The following NEB variants were observed in gnomAD, a reference collection of about 807,000 sequenced individuals.
NEB encodes nemaline myopathy type 2.
Under a neutral mutation model 952.2 loss-of-function variants are expected in NEB, and 512 were observed. The ratio of observed to expected loss-of-function variants is 0.54; its 90% CI spans 0.50 to 0.58. The LOEUF (loss-of-function observed/expected upper bound fraction) is 0.58. Ranked by LOEUF, NEB falls within the 20% of genes least tolerant of loss-of-function variation. NEB has a pLI of 0.00. For synonymous variants in NEB, 2,900 were observed against 3,149.8 expected, an observed-to-expected ratio of 0.92 and a Z score of 2.66; for missense variants, 8,428 against 9,231.1, an observed-to-expected ratio of 0.91 and a Z score of 3.56.
chr2:151,637,786 T>C (rs775420312), intron 63 of NEB, among the ~76,000 whole-genome samples: 1 of 152,266 alleles, frequency 6.6e-6, no homozygotes, highest in Non-Finnish European at 1.5e-5. Flanking sequence ...GGCTAATAAT[T>C]CAGTCCTTTC....
chr2:151,661,955 GACT>G (rs1319024396), intron 46 of NEB, among the ~76,000 whole-genome samples, 177 bp downstream of exon 46: 2 of 151,934 alleles, frequency 1.3e-5, no homozygotes, highest in Non-Finnish European at 1.5e-5. Flanking sequence ...AAGATTTGAA[GACT>G]ACTAGTTAGA....
intron 55 of NEB, 62 bp downstream of exon 55, chr2:151,646,068 C>A: frequency 1.6e-6 from 2 of 1,241,344 alleles, no homozygotes; most frequent in South Asian, 2.8e-5. Flanking sequence ...TAGACAATTT[C>A]ACTGATTTAG....
Position 151,692,073 on chromosome 2 carries a change from C to T in NEB, c.2092G>A (p.Ala698Thr). The T allele has an allele frequency of 1.2e-6, 2 of 1,613,902 alleles. No individual in the cohort carries two copies. The highest frequency in any genetic ancestry group is 1.7e-6 in the Non-Finnish European group (2 of 1,179,796). ...PYHTHCMKVAAQNSDKSYKAE... is the reference protein window; with the variant it reads ...PYHTHCMKVATQNSDKSYKAE... ...TTCAAACTTACATCACTGTTTTGAG[C>T]TGCAACTTTCATGCAGTGTGTGTGA... The change falls in exon 22 of 182, where the codon GCT becomes ACT. Residue 698 changes from alanine (A) to threonine (T), a missense_variant. Physicochemically the swap from Ala to Thr is moderately conservative, Grantham distance 58. Transcript: ENST00000397345.
intron 43 of NEB, 27 bp from the exon 44 acceptor site, chr2:151,664,635 G>A: frequency 6.4e-7 from 1 of 1,567,976 alleles, no homozygotes; most frequent in Non-Finnish European, 8.7e-7. Flanking sequence ...AAAAACAACA[G>A]CATCTTGTTA....
chr2:151,639,552 T>C (rs1377202638), intron 62 of NEB, among the ~76,000 whole-genome samples, 168 bp from the exon 63 acceptor site: 6 of 152,240 alleles, frequency 3.9e-5, no homozygotes, highest in Non-Finnish European at 2.9e-5. Flanking sequence ...GGAATGTGTA[T>C]TTATAAATGC....
chr2:151,717,491 C>T lies in NEB; in HGVS notation c.747G>A (p.Gln249=). 2 of 1,613,880 alleles carry T rather than the reference C, an allele frequency of 1.2e-6. No individual in the cohort carries two copies. Among genetic ancestry groups the T allele is most frequent in the Non-Finnish European group, 1.7e-6 (2 of 1,179,788 alleles). Residue 249 remains glutamine (Q), a synonymous_variant, in exon 10 of 182, where the codon CAG becomes CAA. Transcript: ENST00000397345. ...CAGCCAGAGGCGTGAATTGAGCTTG[C>T]TGTTCAGCGAGACCTTTTTTGTAGG... ...DVAYKKGLAE[Q]QAQFTPLADP...
intron 181 of NEB, among the ~76,000 whole-genome samples, chr2:151,489,237 T>G (rs1238129741): frequency 6.6e-6 from 1 of 152,150 alleles, no homozygotes; most frequent in East Asian, 1.9e-4. Flanking sequence ...TCCTAAAGTA[T>G]TAGGCTTTTG....
In NEB at chr2:151,642,627, C is replaced by T. The variant is rs2098890703; in HGVS notation, c.8320G>A (p.Val2774Ile). 6.2e-7 allele frequency: 1 copy of T among 1,613,920 alleles called. No homozygotes were observed. Among genetic ancestry groups the T allele is most frequent in the Non-Finnish European group, 8.5e-7 (1 of 1,179,838 alleles). ...GCTGCCTTGATAGGAATGGCATCTA[C>T]CCGCATGTCATAACCTTTCCTCTTG... Reference protein sequence around the residue: ...EAKRKGYDMRVDAIPIKAAKA... With the variant: ...EAKRKGYDMRIDAIPIKAAKA... The change falls in exon 60 of 182, where the codon GTA becomes ATA. Residue 2774 changes from valine to isoleucine, a missense_variant. By Grantham distance (29) the Val-to-Ile change is conservative. Transcript: ENST00000397345.
chr2:151,561,569 TCACTTTTTTTTTTTTTTGGTTTCGAA>T (rs1313189093), intron 121 of NEB, among the ~76,000 whole-genome samples: 9 of 145,896 alleles, frequency 6.2e-5, no homozygotes, highest in Non-Finnish European at 1.2e-4. Context: ...CAGCAGCCCC[TCACTTTTTTTTTTTTTTGGTTTCGAA>T]CACTTTTTTT....
rs1279045331 is a variant in NEB, at chr2:151,697,368, G to C, written c.1347C>G (p.Val449=). 1 of 1,613,828 alleles carries C rather than the reference G, an allele frequency of 6.2e-7. No individual in the cohort carries two copies. The highest frequency in any genetic ancestry group is 8.5e-7 in the Non-Finnish European group (1 of 1,179,762). The part of the protein sequence containing the change: ...EDPYHSHCMK[V]TAQNSDKNYK... ...AACTTACATCACTGTTTTGAGCTGTGACTTTCATGCAGTGTGAATGGTATG... is the reference window on the plus strand; with the variant it reads ...AACTTACATCACTGTTTTGAGCTGTCACTTTCATGCAGTGTGAATGGTATG... Residue 449 remains valine (V), a synonymous_variant, in exon 15 of 182, where the codon GTC becomes GTG. Coordinates refer to ENST00000397345, the MANE Select transcript of NEB (RefSeq NM_001164508.2).
Position 151,697,274 on chromosome 2 carries a change from C to A in NEB, c.1366-22G>T, listed in dbSNP as rs899020115. On this transcript the variant is annotated intron_variant, in intron 15 of 181. Coordinates refer to ENST00000397345, the MANE Select transcript of NEB (RefSeq NM_001164508.2). ...TTTTCTATGAGGAGAAGAAATTAGG[C>A]ATAAGATGCAGCCATTGTATTCATG... 2.5e-6 allele frequency: 4 copies of A among 1,610,734 alleles called. No homozygotes were observed. The African/African-American group carries it at 5.3e-5, about 22-fold the overall frequency.
rs1052845083 is a variant in NEB at position 151,718,270 on chromosome 2, C to T, written c.718-750G>A. On this transcript the variant is annotated intron_variant, in intron 9 of 181. Transcript: ENST00000397345. ...TTAAGAAGGACACAGGAAGAAGGTA[C>T]AGGGCAGGGAGACTCTGAACCCCAG... 2.6e-5 allele frequency among the ~76,000 whole-genome samples: 4 copies of T among 152,314 alleles called. No homozygotes were observed. The East Asian group carries it at 7.7e-4, about 29-fold the overall frequency.
In NEB at chr2:151,662,353, G is replaced by A; in HGVS notation, c.5764-12C>T. On this transcript the variant is annotated splice_polypyrimidine_tract_variant and intron_variant, in intron 45 of 181. Transcript: ENST00000397345. ...GCCTTGTACTGATTCTGCAAAAGAG[G>A]AAAAATTAAATTATGAGAAGAAACT... The A allele has an allele frequency of 6.5e-7, 1 of 1,531,316 alleles. No individual in the cohort carries two copies. Among genetic ancestry groups the A allele is most frequent in the Non-Finnish European group, 8.8e-7 (1 of 1,134,490 alleles). The allele number at this position is 1,531,316 out of a possible 1,614,324, so 94.9% of individuals were successfully genotyped here.
chr2:151,677,623 C>T lies in NEB; in HGVS notation c.3716G>A (p.Ser1239Asn), dbSNP rs201541240. 2 of 1,613,982 alleles carry T rather than the reference C, an allele frequency of 1.2e-6. No individual in the cohort carries two copies. Among genetic ancestry groups the T allele is most frequent in the Non-Finnish European group, 1.7e-6 (2 of 1,179,882 alleles). Reference sequence around the variant, plus strand: ...GACCATAACTGGGGAGTCCACAATGCTGGTAAATTTGAGGGTGTCTGGATG... The same window carrying T: ...GACCATAACTGGGGAGTCCACAATGTTGGTAAATTTGAGGGTGTCTGGATG... ...RQHPDTLKFTSIVDSPVMVQA... is the reference protein window; with the variant it reads ...RQHPDTLKFTNIVDSPVMVQA... Residue 1239 changes from serine to asparagine, a missense_variant, in exon 34 of 182, where the codon AGC becomes AAC. Physicochemically the swap from Ser to Asn is conservative, Grantham distance 46. This residue lies in a region of NEB where 2,851 missense variants were observed against 2,791.5 expected (regional missense o/e 1.02). Coordinates refer to ENST00000397345, the MANE Select transcript of NEB (RefSeq NM_001164508.2).
intron 110 of NEB, 47 bp from the exon 111 acceptor site, chr2:151,568,763 G>A (rs2096524263): frequency 7.5e-7 from 1 of 1,335,588 alleles, no homozygotes; most frequent in African/African-American, 1.5e-5. Flanking sequence ...TCCTAGACAT[G>A]TGTGAACTGA....
intron 84 of NEB, among the ~76,000 whole-genome samples, chr2:151,605,160 CT>C (rs2097647328): frequency 7.9e-6 from 1 of 125,966 alleles, no homozygotes; most frequent in African/African-American, 2.7e-5. Flanking sequence ...ACTATTATGA[CT>C]ACTTCTAATG....
At chr2:151,673,255 T>C (rs1031328211) in intron 36 of NEB, among the ~76,000 whole-genome samples, 5 of 152,208 alleles carry the variant, frequency 3.3e-5, no homozygotes, top group Non-Finnish European at 7.3e-5. Context: ...CAATGTGATA[T>C]AAATTGGAGC....
Position 151,552,698 on chromosome 2 carries a change from C to T in NEB, c.19810G>A (p.Val6604Ile). ...TCACTTAGCTGTTTCCCACTTTTGA[C>T]AGCCTGCACGTAGACTGGTGTATCT... Reference protein sequence around the residue: ...VTDTPVYVQAVKSGKQLSDAV... With the variant: ...VTDTPVYVQAIKSGKQLSDAV... Residue 6604 changes from valine (V) to isoleucine (I), a missense_variant, in exon 128 of 182, where the codon GTC (valine) becomes ATC (isoleucine). Coordinates refer to ENST00000397345, the MANE Select transcript of NEB (RefSeq NM_001164508.2). The T allele has an allele frequency of 1.9e-6, 3 of 1,613,126 alleles. No homozygotes were observed. The highest frequency in any genetic ancestry group is 2.5e-6 in the Non-Finnish European group (3 of 1,179,394).
intron 117 of NEB, among the ~76,000 whole-genome samples, chr2:151,564,301 C>T (rs918163921): frequency 2.6e-5 from 4 of 151,954 alleles, no homozygotes; most frequent in African/African-American, 7.2e-5. Flanking sequence ...ATTACACGCA[C>T]GCACCACTAT....
Sources: allele counts gnomAD v4.1 joint callset (sites outside exome capture counted in the v4.1 genomes callset), GRCh38; gene constraint gnomAD v4.1.1; regional missense constraint gnomAD v4.1.1; transcripts MANE v1.5; gene names NCBI Gene and HGNC (gene_info 2026-07-23, HGNC 2026-07-21).